The following PELI2 variants were observed in gnomAD, a reference collection of about 807,000 sequenced individuals.
PELI2 encodes the protein E3 ubiquitin-protein ligase pellino homolog 2.
In PELI2, 23 loss-of-function variants were observed where a neutral mutation model predicts 42.3. The observed-to-expected ratio is 0.54, with a 90% CI of 0.39 to 0.77. The LOEUF is 0.77. Among genes scored for constraint, PELI2 ranks in the 30% least tolerant of loss-of-function variants. The pLI is 0.00. For synonymous variants in PELI2, 245 were observed against 212.2 expected (o/e 1.15, Z -1.34); for missense variants, 463 against 553.2 (o/e 0.84, Z 1.64).
rs149852997 is a variant in PELI2, at chr14:56,198,560, G to T, written c.207+20096G>T. Among the ~76,000 whole-genome samples, 441 of 152,310 alleles carry T rather than the reference G, an allele frequency of 2.9e-3. 1 individual carries two copies. The highest frequency in any genetic ancestry group is 0.01 in the African/African-American group (429 of 41,576). The stretch of plus-strand genomic sequence containing the variant: ...GCAGGTTGGTGGCTATGGTGGCTAA[G>T]GCAAATCTGATGGAGCAGCGGGGAC... On this transcript the variant is annotated intron_variant, in intron 2 of 5. Coordinates refer to ENST00000267460, the MANE Select transcript of PELI2 (RefSeq NM_021255.3).
chr14:56,146,039 GT>G (rs1186178775), intron 1 of PELI2, among the ~76,000 whole-genome samples: 1 of 152,176 alleles, frequency 6.6e-6, no homozygotes, highest in Non-Finnish European at 1.5e-5. Context: ...AGATGACATT[GT>G]TTTGCTAAAA....
intron 2 of PELI2, among the ~76,000 whole-genome samples, chr14:56,247,478 TA>T (rs2139807854): frequency 6.6e-6 from 1 of 152,348 alleles, no homozygotes; most frequent in South Asian, 2.1e-4. Context: ...CCTACACATA[TA>T]AATGTACATT....
At chr14:56,119,859 A>G (rs1882999077) in intron 1 of PELI2, 2 of 985,062 alleles carry the variant, frequency 2.0e-6, no homozygotes, top group Non-Finnish European at 2.4e-6. Context: ...CTCGGCGCTG[A>G]TAGGTAGGCT....
intron 2 of PELI2, among the ~76,000 whole-genome samples, chr14:56,182,884 A>G (rs1885635752): frequency 6.6e-6 from 1 of 152,112 alleles, no homozygotes; most frequent in Non-Finnish European, 1.5e-5. Context: ...GGAAGCGCTC[A>G]CTGTCTGTCT....
rs559048815 is a variant in PELI2, at chr14:56,162,574, G to A, written c.78-15761G>A. On this transcript the variant is annotated intron_variant, in intron 1 of 5. Transcript: ENST00000267460. Reference sequence around the variant, plus strand: ...TGTAAACAGTGCTGCAGCAAACATAGGAATGCAGATATCTCTTTGATGTAC... The same window carrying A: ...TGTAAACAGTGCTGCAGCAAACATAAGAATGCAGATATCTCTTTGATGTAC... Among the ~76,000 whole-genome samples, 3 of 152,264 alleles carry A rather than the reference G, an allele frequency of 2.0e-5. No homozygotes were observed. The East Asian group carries it at 5.8e-4, about 29-fold the overall frequency.
At chr14:56,239,330 A>G (rs913635562) in intron 2 of PELI2, among the ~76,000 whole-genome samples, 1 of 152,214 alleles carries the variant, frequency 6.6e-6, no homozygotes, top group Non-Finnish European at 1.5e-5. Context: ...AGAAGAGGCT[A>G]TCTTAGAATA....
At chr14:56,171,354 G>T (rs1885162095) in intron 1 of PELI2, among the ~76,000 whole-genome samples, 3 of 152,288 alleles carry the variant, frequency 2.0e-5, no homozygotes, top group Middle Eastern at 3.4e-3. Context: ...TCCACCATGG[G>T]ATGAAACATC....
intron 2 of PELI2, among the ~76,000 whole-genome samples, chr14:56,206,472 C>G (rs953371861): frequency 6.6e-6 from 1 of 152,092 alleles, no homozygotes; most frequent in South Asian, 2.1e-4. Flanking sequence ...TTTGGTCATA[C>G]GAAGCGCTCC....
intron 2 of PELI2, among the ~76,000 whole-genome samples, chr14:56,183,658 A>T (rs944982647): frequency 5.9e-5 from 9 of 152,308 alleles, no homozygotes; most frequent in African/African-American, 2.2e-4. Context: ...GTCATTATTG[A>T]CATGGCTCCA....
chr14:56,222,937 G>A (rs12897424), intron 2 of PELI2, among the ~76,000 whole-genome samples: 60,829 of 152,142 alleles, frequency 0.4, 13,031 homozygotes, highest in South Asian at 0.53. Context: ...GATGAACGAA[G>A]GAGAAGGGAA....
rs139123676 is a variant in PELI2, at chr14:56,193,451, A to G, written c.207+14987A>G. 5.9e-5 allele frequency among the ~76,000 whole-genome samples: 9 copies of G among 152,312 alleles called. No individual in the cohort carries two copies. The East Asian group carries it at 1.7e-3, about 29-fold the overall frequency. ...AAAAATGCAGGGAAGTTGGGGAGGGAAGGGCCTACAGAAGGAATAGCAGAG... is the reference window on the plus strand; with the variant it reads ...AAAAATGCAGGGAAGTTGGGGAGGGGAGGGCCTACAGAAGGAATAGCAGAG... On this transcript the variant is annotated intron_variant, in intron 2 of 5. Coordinates refer to ENST00000267460, the MANE Select transcript of PELI2 (RefSeq NM_021255.3).
At chr14:56,162,667 G>GT (rs1323635830) in intron 1 of PELI2, among the ~76,000 whole-genome samples, 5 of 152,092 alleles carry the variant, frequency 3.3e-5, no homozygotes, top group Non-Finnish European at 7.4e-5. Flanking sequence ...TCAATTTTTA[G>GT]TTTTTTGAGG....
chr14:56,247,628 TC>T (rs1247527428), intron 2 of PELI2, among the ~76,000 whole-genome samples: 1 of 152,062 alleles, frequency 6.6e-6, no homozygotes, highest in African/African-American at 2.4e-5. Context: ...CAACCTACTT[TC>T]GTTAACATCT....
At chr14:56,189,599 A>T (rs535767688) in intron 2 of PELI2, among the ~76,000 whole-genome samples, 1 of 152,212 alleles carries the variant, frequency 6.6e-6, no homozygotes, top group Admixed American at 6.5e-5. Context: ...CAGTTGATTA[A>T]TGTTAGCTAA....
At chr14:56,275,365 G>A (rs759636355) in intron 2 of PELI2, among the ~76,000 whole-genome samples, 4 of 152,160 alleles carry the variant, frequency 2.6e-5, no homozygotes, top group East Asian at 1.9e-4. Context: ...ATTCAAGCAC[G>A]TTACATTTGT....
chr14:56,172,916 G>T (rs1001947110), intron 1 of PELI2, among the ~76,000 whole-genome samples: 1 of 152,120 alleles, frequency 6.6e-6, no homozygotes, highest in African/African-American at 2.4e-5. Context: ...ACTTTTTCCT[G>T]GTCCTGGTCC....
intron 2 of PELI2, among the ~76,000 whole-genome samples, chr14:56,241,020 G>T (rs1449201953): frequency 6.6e-6 from 1 of 152,158 alleles, no homozygotes; most frequent in Non-Finnish European, 1.5e-5. Flanking sequence ...CCTGTGCTGA[G>T]TAGTGAGATC....
chr14:56,126,417 A>G (rs1270615207), intron 1 of PELI2, among the ~76,000 whole-genome samples: 1 of 152,146 alleles, frequency 6.6e-6, no homozygotes, highest in Non-Finnish European at 1.5e-5. Context: ...TCACTCTCAA[A>G]CACTTCACTC....
At chr14:56,267,436 A>G (rs1888947350) in intron 2 of PELI2, among the ~76,000 whole-genome samples, 2 of 152,134 alleles carry the variant, frequency 1.3e-5, no homozygotes, top group Admixed American at 6.5e-5. Context: ...GAGGAGTAAC[A>G]TCCAGATATA....
Sources: allele counts gnomAD v4.1 joint callset (sites outside exome capture counted in the v4.1 genomes callset), GRCh38; gene constraint gnomAD v4.1.1; transcripts MANE v1.5; gene names NCBI Gene and HGNC (gene_info 2026-07-23, HGNC 2026-07-21).